UGT1A9: variants seen among roughly 807,000 people sequenced by gnomAD.
UGT1A9 encodes UDP glucuronosyltransferase family 1 member A9, also known as UDP-glucuronosyltransferase 1A9.
UGT1A9 carries 35 observed loss-of-function variants against 45.0 expected under a neutral mutation model. That is an observed-to-expected ratio of 0.78 (90% CI 0.59 to 1.03). The LOEUF is 1.03. Among genes scored for constraint, UGT1A9 ranks in the 50% least tolerant of loss-of-function variants. The pLI is 0.00. For missense variants in UGT1A9, 687 were observed against 666.6 expected (o/e 1.03, Z -0.34); for synonymous variants, 278 against 250.6 (o/e 1.11, Z -1.03).
chr2:233,756,647 A>G (rs924838506), intron 1 of UGT1A9, among the ~76,000 whole-genome samples: 33 of 152,308 alleles, frequency 2.2e-4, no homozygotes, highest in African/African-American at 5.1e-4. Flanking sequence ...GGGGATAAAC[A>G]TGGGATGCAG....
At chr2:233,758,822 C>G (rs1559405165) in intron 1 of UGT1A9, among the ~76,000 whole-genome samples, 1 of 152,138 alleles carries the variant, frequency 6.6e-6, no homozygotes, top group Admixed American at 6.5e-5. Context: ...AGTATATCCC[C>G]CCCAAAAAGA....
intron 1 of UGT1A9, among the ~76,000 whole-genome samples, chr2:233,686,795 T>A (rs1401405195): frequency 2.6e-5 from 4 of 152,090 alleles, no homozygotes; most frequent in African/African-American, 9.7e-5. Flanking sequence ...TCTTTCCACC[T>A]CCCCTGTTAC....
rs781726471 is a variant in UGT1A9 at position 233,672,803 on chromosome 2, C to T, written c.855+14C>T. ...CCGTTGCCTATGGTAAGTTATCTCT[C>T]CTTTAGCACCTTAAGAATACTTCAC... On this transcript the variant is annotated intron_variant, in intron 1 of 4. Coordinates refer to ENST00000354728, the MANE Select transcript of UGT1A9 (RefSeq NM_021027.3). 3 of 1,607,532 alleles carry T rather than the reference C, an allele frequency of 1.9e-6. No individual in the cohort carries two copies. In the African/African-American group the frequency reaches 4.0e-5, roughly 22 times the overall value.
chr2:233,736,073 G>A (rs972063908), intron 1 of UGT1A9, among the ~76,000 whole-genome samples: 1 of 152,142 alleles, frequency 6.6e-6, no homozygotes, highest in Non-Finnish European at 1.5e-5. Flanking sequence ...CTAGGTTTGG[G>A]AAGTTCTCCT....
At chr2:233,691,507 C>T in intron 1 of UGT1A9, 2 of 985,720 alleles carry the variant, frequency 2.0e-6, no homozygotes, top group Non-Finnish European at 2.4e-6. Flanking sequence ...AACTCGCGTG[C>T]CAGCCAGGTG....
chr2:233,679,333 G>GT (rs2074449295), intron 1 of UGT1A9, among the ~76,000 whole-genome samples: 1 of 152,182 alleles, frequency 6.6e-6, no homozygotes, highest in South Asian at 2.1e-4. Context: ...CGTTCTTATT[G>GT]TTGAGTCCTT....
intron 1 of UGT1A9, chr2:233,729,825 C>T (rs770263678): frequency 5.6e-6 from 9 of 1,613,784 alleles, no homozygotes; most frequent in African/African-American, 2.7e-5. Context: ...CTTATGCAAG[C>T]CTTGCCTCTG....
At chr2:233,766,273 TGGCCCGGGCTC>T (rs1203864514) in intron 1 of UGT1A9, among the ~76,000 whole-genome samples, 29 of 151,808 alleles carry the variant, frequency 1.9e-4, no homozygotes, top group Admixed American at 3.9e-4. Context: ...CCGGGCTCGG[TGGCCCGGGCTC>T]GGTGGCCTGG....
rs1429104103 is a variant in UGT1A9 at position 233,718,118 on chromosome 2, CCAT to C, written c.855+45330_855+45332del. On this transcript the variant is annotated intron_variant, in intron 1 of 4. Transcript: ENST00000354728. ...GCTTTAGACAGCAGCACCTCTTATT[CCAT>C]GGTGTAGATGGAGAATCCTCAATAA... The C allele has an allele frequency of 1.3e-5, 4 of 305,056 alleles. No homozygotes were observed. In the East Asian group the frequency reaches 3.1e-4, roughly 23 times the overall value. The allele number at this position is 305,056 out of a possible 1,614,324, so 18.9% of individuals were successfully genotyped here. A position where few individuals can be genotyped will look rare whatever the true frequency, so the allele number is the denominator to read the frequency against.
intron 1 of UGT1A9, chr2:233,689,803 A>G (rs1559343828): frequency 3.4e-5 from 15 of 438,062 alleles, no homozygotes; most frequent in Non-Finnish European, 5.4e-5. Flanking sequence ...TGTAGTTTCT[A>G]TAGGAAACCA....
chr2:233,694,201 A>G (rs765076556), intron 1 of UGT1A9, among the ~76,000 whole-genome samples: 78 of 152,126 alleles, frequency 5.1e-4, no homozygotes, highest in Non-Finnish European at 2.2e-4. Flanking sequence ...TCCAGGTTAA[A>G]ATCCATTTTC....
intron 1 of UGT1A9, among the ~76,000 whole-genome samples, chr2:233,748,306 G>A (rs1220013639): frequency 1.3e-5 from 2 of 151,694 alleles, no homozygotes; most frequent in Non-Finnish European, 2.9e-5. Context: ...TTTATCAAAG[G>A]ATGGACTAGG....
At chr2:233,713,658 C>G (rs376312935) in intron 1 of UGT1A9, 4 of 1,613,836 alleles carry the variant, frequency 2.5e-6, no homozygotes, top group Non-Finnish European at 2.5e-6. Context: ...CCTGTCCTAC[C>G]TTTGCCATGC....
chr2:233,749,951 T>C (rs566356604), intron 1 of UGT1A9, among the ~76,000 whole-genome samples: 1 of 151,998 alleles, frequency 6.6e-6, no homozygotes, highest in South Asian at 2.1e-4. Context: ...AATTACCGAG[T>C]CTTGGGTATG....
At chr2:233,682,875 TTACATTTG>T in intron 1 of UGT1A9, 1 of 1,520,762 alleles carries the variant, frequency 6.6e-7, no homozygotes, top group Non-Finnish European at 8.8e-7. Flanking sequence ...AATTTATCAT[TTACATTTG>T]TCCCATTTGG....
intron 1 of UGT1A9, chr2:233,682,462 C>T: frequency 1.2e-6 from 2 of 1,613,942 alleles, no homozygotes; most frequent in Non-Finnish European, 1.7e-6. Context: ...TATTTTGCCA[C>T]TATCTTGAAG....
chr2:233,719,618 C>A (rs779960656), intron 1 of UGT1A9: 2 of 1,614,058 alleles, frequency 1.2e-6, no homozygotes. Flanking sequence ...TGGACTACCC[C>A]AGGCCGATCA....
chr2:233,762,345 C>A (rs964115716), intron 1 of UGT1A9, among the ~76,000 whole-genome samples: 1 of 152,164 alleles, frequency 6.6e-6, no homozygotes, highest in Non-Finnish European at 1.5e-5. Flanking sequence ...CTTTTTAGTT[C>A]TTTGTACTCC....
intron 1 of UGT1A9, chr2:233,718,673 G>A (rs1477051570): frequency 1.3e-5 from 21 of 1,556,176 alleles, no homozygotes; most frequent in Non-Finnish European, 1.7e-5. Flanking sequence ...AGATTAATGG[G>A]TAATAAGTAA....
Sources: allele counts gnomAD v4.1 joint callset (sites outside exome capture counted in the v4.1 genomes callset), GRCh38; gene constraint gnomAD v4.1.1; transcripts MANE v1.5; gene names NCBI Gene and HGNC (gene_info 2026-07-23, HGNC 2026-07-21).